Variants in CNTN4 observed in about 807,000 individuals in gnomAD.
CNTN4 encodes contactin 4.
In CNTN4, 77 loss-of-function variants were observed where a neutral mutation model predicts 122.5. The observed-to-expected ratio is 0.63, with a 90% CI of 0.52 to 0.76. The LOEUF is 0.76. CNTN4 is among the 30% of genes least tolerant of loss of function. The pLI, the probability that CNTN4 is intolerant of heterozygous loss-of-function variation, is 0.00. For missense variants in CNTN4, 1,256 were observed against 1,259.1 expected, an observed-to-expected ratio of 1.00 and a Z score of 0.04; for synonymous variants, 512 against 447.0, an observed-to-expected ratio of 1.15 and a Z score of -1.83.
chr3:3,033,178 T>C (rs1699322776), intron 16 of CNTN4, among the ~76,000 whole-genome samples: 1 of 152,088 alleles, frequency 6.6e-6, no homozygotes, highest in South Asian at 2.1e-4. Flanking sequence ...ATGAGAAAAC[T>C]AGTGAAAAAA....
chr3:2,833,607 A>G (rs903611160), intron 7 of CNTN4, among the ~76,000 whole-genome samples: 1 of 142,882 alleles, frequency 7.0e-6, no homozygotes, highest in South Asian at 2.3e-4. Flanking sequence ...AAAAAAAATT[A>G]TGGTATTTTT....
chr3:2,536,065 C>T (rs1020435910), intron 3 of CNTN4, among the ~76,000 whole-genome samples: 2 of 152,120 alleles, frequency 1.3e-5, no homozygotes, highest in Non-Finnish European at 2.9e-5. Flanking sequence ...GATCTGATTG[C>T]CACCATGTTG....
intron 13 of CNTN4, among the ~76,000 whole-genome samples, chr3:2,957,112 C>T (rs2094807544): frequency 6.6e-6 from 1 of 152,182 alleles, no homozygotes; most frequent in Non-Finnish European, 1.5e-5. Context: ...GTGCAGATAG[C>T]TCTTCAACAT....
chr3:2,256,421 A>T (rs536059249), intron 2 of CNTN4, among the ~76,000 whole-genome samples: 1 of 152,304 alleles, frequency 6.6e-6, no homozygotes, highest in African/African-American at 2.4e-5. Context: ...AAAAGAGGGA[A>T]TCCTCCCTAA....
intron 2 of CNTN4, among the ~76,000 whole-genome samples, chr3:2,125,995 G>A (rs1266553231): frequency 4.6e-5 from 7 of 151,982 alleles, no homozygotes; most frequent in Non-Finnish European, 7.4e-5. Flanking sequence ...CTCGTGATGA[G>A]TGTGATCAGC....
intron 6 of CNTN4, among the ~76,000 whole-genome samples, chr3:2,764,565 G>C (rs2090753299): frequency 6.6e-6 from 1 of 152,160 alleles, no homozygotes; most frequent in Admixed American, 6.6e-5. Context: ...CTGCATTTTA[G>C]CTCAAGATTT....
chr3:2,158,655 G>C (rs2035827275), intron 2 of CNTN4, among the ~76,000 whole-genome samples: 1 of 152,162 alleles, frequency 6.6e-6, no homozygotes, highest in Non-Finnish European at 1.5e-5. Flanking sequence ...CTTAATATGA[G>C]AATCAGAGTA....
chr3:2,805,253 C>T (rs1315899996), intron 6 of CNTN4, among the ~76,000 whole-genome samples: 2 of 151,608 alleles, frequency 1.3e-5, no homozygotes, highest in East Asian at 1.9e-4. Flanking sequence ...TTTTAAGAAG[C>T]CTGTGGCAAT....
At chr3:2,287,691 GAGGAAGAAGAAGAAGAAGAGGAA>G (rs2041972609) in intron 2 of CNTN4, among the ~76,000 whole-genome samples, 2 of 92,074 alleles carry the variant, frequency 2.2e-5, no homozygotes, top group South Asian at 4.3e-4. Flanking sequence ...AGAAGAAGAA[GAGGAAGAAGAAGAAGAAGAGGAA>G]GAAGAAGAAG....
chr3:2,931,382 T>C (rs2094518895), intron 13 of CNTN4, among the ~76,000 whole-genome samples: 1 of 152,096 alleles, frequency 6.6e-6, no homozygotes, highest in Non-Finnish European at 1.5e-5. Flanking sequence ...GCCGCAGTAG[T>C]AAACAGAGAA....
At chr3:2,830,957 C>G (rs950676580) in intron 7 of CNTN4, among the ~76,000 whole-genome samples, 1 of 152,064 alleles carries the variant, frequency 6.6e-6, no homozygotes, top group Non-Finnish European at 1.5e-5. Context: ...GCTCAGAAAT[C>G]GAAGGCTCAG....
chr3:2,128,835 C>G (rs3924068), intron 2 of CNTN4, among the ~76,000 whole-genome samples: 1 of 152,082 alleles, frequency 6.6e-6, no homozygotes, highest in African/African-American at 2.4e-5. Context: ...TGAAATGATT[C>G]ATCAATAAAT....
intron 3 of CNTN4, among the ~76,000 whole-genome samples, chr3:2,486,292 C>A (rs1214261615): frequency 2.0e-5 from 3 of 152,102 alleles, no homozygotes; most frequent in African/African-American, 7.2e-5. Flanking sequence ...TAACACTCAC[C>A]CACCGTAAGG....
At chr3:2,697,002 C>G (rs573939632) in intron 4 of CNTN4, among the ~76,000 whole-genome samples, 1 of 152,164 alleles carries the variant, frequency 6.6e-6, no homozygotes, top group Admixed American at 6.5e-5. Flanking sequence ...AATTATTCTC[C>G]TCTTTATTCA....
chr3:2,750,335 A>G (rs2090029456), intron 6 of CNTN4, among the ~76,000 whole-genome samples: 1 of 152,180 alleles, frequency 6.6e-6, no homozygotes, highest in Non-Finnish European at 1.5e-5. Context: ...GGTAGACATT[A>G]TTTCTATTGA....
At chr3:3,025,548 A>T (rs1422689397) in intron 14 of CNTN4, among the ~76,000 whole-genome samples, 1 of 152,240 alleles carries the variant, frequency 6.6e-6, no homozygotes, top group Admixed American at 6.5e-5. Flanking sequence ...AACCAAAAAG[A>T]CTGGGGGAAA....
At chr3:2,150,062 A>T (rs1188809112) in intron 2 of CNTN4, among the ~76,000 whole-genome samples, 1 of 152,114 alleles carries the variant, frequency 6.6e-6, no homozygotes, top group Non-Finnish European at 1.5e-5. Context: ...TACATTTAAA[A>T]TCTAATATTC....
chr3:2,471,865 G>A (rs748781437), intron 3 of CNTN4, among the ~76,000 whole-genome samples: 6 of 151,926 alleles, frequency 3.9e-5, no homozygotes, highest in South Asian at 2.1e-4. Flanking sequence ...CCTTATTTTC[G>A]TCAAAGCTGT....
intron 2 of CNTN4, among the ~76,000 whole-genome samples, chr3:2,270,654 A>G (rs1446493594): frequency 7.2e-6 from 1 of 138,950 alleles, no homozygotes; most frequent in Non-Finnish European, 1.7e-5. Context: ...GGGGGAAAAT[A>G]TTGTTCATTG....
Sources: allele counts gnomAD v4.1 joint callset (sites outside exome capture counted in the v4.1 genomes callset), GRCh38; gene constraint gnomAD v4.1.1; transcripts MANE v1.5; gene names NCBI Gene and HGNC (gene_info 2026-07-23, HGNC 2026-07-21).